RPL26: variants seen among roughly 807,000 people sequenced by gnomAD.
RPL26 encodes the protein ribosomal protein L26.
A neutral mutation model predicts 16.2 loss-of-function variants in RPL26; 1 was observed. The observed-to-expected ratio is 0.06, with a 90% confidence interval of 0.02 to 0.29. RPL26 has a LOEUF of 0.29. Among genes scored for constraint, RPL26 ranks in the 10% least tolerant of loss-of-function variants. The pLI is 1.00. For synonymous variants in RPL26, 55 were observed against 62.4 expected, an observed-to-expected ratio of 0.88 and a Z score of 0.56; for missense variants, 102 against 184.3, an observed-to-expected ratio of 0.55 and a Z score of 2.58.
intron 2 of RPL26, 47 bp from the exon 3 acceptor site, chr17:8,379,983 C>G (rs528394034): frequency 2.0e-6 from 3 of 1,523,876 alleles, no homozygotes; most frequent in East Asian, 2.3e-5. Flanking sequence ...AAAGATTAAC[C>G]TTGTAAATCA....
At chr17:8,382,368 C>T in intron 1 of RPL26, 53 bp from the exon 2 acceptor site, 1 of 1,296,500 alleles carries the variant, frequency 7.7e-7, no homozygotes, top group Non-Finnish European at 1.1e-6. Context: ...ATCCAGCTTC[C>T]AAACAAATAA....
In RPL26 at chr17:8,382,130, T is replaced by C. The variant is rs770528711; in HGVS notation, c.168+13A>G. The C allele has an allele frequency of 6.2e-7, 1 of 1,608,130 alleles. No individual in the cohort carries two copies. The highest frequency in any genetic ancestry group is 8.5e-7 in the Non-Finnish European group (1 of 1,175,684). On this transcript the variant is annotated intron_variant, in intron 2 of 3. Transcript: ENST00000648839. ...TATCCATCAAGACAACGAGAACAAG[T>C]AGGGATACACACCTGAACTTCATCA...
intron 3 of RPL26, chr17:8,379,325 A>T (rs1907306207): frequency 6.2e-6 from 1 of 160,392 alleles, no homozygotes; most frequent in Admixed American, 6.1e-5. Flanking sequence ...CTGTAATCCC[A>T]GCACTTTAGG....
intron 2 of RPL26, chr17:8,381,756 C>T (rs1004307558): frequency 8.9e-6 from 2 of 224,066 alleles, no homozygotes; most frequent in East Asian, 1.7e-4. Flanking sequence ...GGTGAAACCC[C>T]GCCTCTACTA....
At chr17:8,381,635 G>C (rs942896149) in intron 2 of RPL26, 1 of 167,030 alleles carries the variant, frequency 6.0e-6, no homozygotes, top group African/African-American at 2.4e-5. Flanking sequence ...GTAAGAGTGA[G>C]ACCCCATCTC....
At chr17:8,379,769 C>G (rs1907327713) in intron 3 of RPL26, 27 bp downstream of exon 3, 13 of 1,603,662 alleles carry the variant, frequency 8.1e-6, no homozygotes, top group South Asian at 2.2e-5. Flanking sequence ...TAATTTCCTT[C>G]TCTCAAGCAT....
chr17:8,382,361 C>T (rs763257971), intron 1 of RPL26, 46 bp from the exon 2 acceptor site: 10 of 1,370,580 alleles, frequency 7.3e-6, no homozygotes, highest in Admixed American at 5.3e-5. Context: ...AAATCTCATC[C>T]AGCTTCCAAA....
In RPL26 at chr17:8,377,707, G is replaced by C; in HGVS notation, c.310-15C>G. ...GTGATAACCACCTGCAGAAAAATAA[G>C]AAAAAAACACTCCCAAGCTTTAAAT... On this transcript the variant is annotated splice_polypyrimidine_tract_variant and intron_variant, in intron 3 of 3. Coordinates refer to ENST00000648839, the MANE Select transcript of RPL26 (RefSeq NM_000987.5). The C allele has an allele frequency of 6.3e-7, 1 of 1,591,718 alleles. No homozygotes were observed. Among genetic ancestry groups the C allele is most frequent in the South Asian group, 1.1e-5 (1 of 88,074 alleles).
Position 8,377,586 on chromosome 17 carries a change from G to T in RPL26, c.416C>A (p.Thr139Asn). The T allele has an allele frequency of 6.3e-7, 1 of 1,598,908 alleles. No homozygotes were observed. Among genetic ancestry groups the T allele is most frequent in the Non-Finnish European group, 8.5e-7 (1 of 1,178,242 alleles). ...GKEKGKYKEE[T>N]IEKMQE ...ACTTTATTCCTGCATCTTCTCAATG[G>T]TTTCTTCCTTGTATTTGCCCTTTTC... Residue 139 changes from threonine (T) to asparagine (N), a missense_variant, in exon 4 of 4, where the codon ACC becomes AAC. Physicochemically the swap from Thr to Asn is moderately conservative, Grantham distance 65. Transcript: ENST00000648839.
At chr17:8,379,461 A>T in intron 3 of RPL26, 1 of 433,352 alleles carries the variant, frequency 2.3e-6, no homozygotes, top group Non-Finnish European at 4.1e-6. Context: ...AGTCACAGCT[A>T]CACTCAGGAG....
chr17:8,382,607 G>C (rs971452950), intron 1 of RPL26: 1 of 369,312 alleles, frequency 2.7e-6, no homozygotes, highest in Non-Finnish European at 4.9e-6. Flanking sequence ...AACTCCTCAA[G>C]TAGTGCCTGA....
chr17:8,382,047 A>G, intron 2 of RPL26, 96 bp downstream of exon 2: 1 of 1,081,576 alleles, frequency 9.2e-7, no homozygotes, highest in Non-Finnish European at 1.4e-6. Context: ...TGGGAGCAAG[A>G]GTCTCAGAAG....
chr17:8,380,122 C>T (rs551101831), intron 2 of RPL26, 186 bp from the exon 3 acceptor site: 2 of 576,488 alleles, frequency 3.5e-6, no homozygotes, highest in East Asian at 2.8e-5. Context: ...AAAGCAGCAA[C>T]AGACCAAGAG....
At chr17:8,382,007 G>A (rs1907438964) in intron 2 of RPL26, 136 bp downstream of exon 2, 2 of 692,900 alleles carry the variant, frequency 2.9e-6, no homozygotes, top group Non-Finnish European at 4.9e-6. Flanking sequence ...CTGTTTTTTG[G>A]TCCCTGGCTC....
rs749850763 is a variant in RPL26, at chr17:8,377,748, A to G, written c.310-56T>C. On this transcript the variant is annotated intron_variant, in intron 3 of 3. Transcript: ENST00000648839. Reference sequence around the variant, plus strand: ...AGCTTTAAATAATCACTAAAACACAAGGGAAAGCCCAACATTCAATACCAT... The same window carrying G: ...AGCTTTAAATAATCACTAAAACACAGGGGAAAGCCCAACATTCAATACCAT... 74 of 1,523,086 alleles carry G rather than the reference A, an allele frequency of 4.9e-5. No individual in the cohort carries two copies. The Admixed American group carries it at 1.4e-3, about 29-fold the overall frequency. 94.3% of individuals were successfully genotyped at this position (1,523,086 alleles called of 1,614,324 possible).
chr17:8,382,803 C>A, intron 1 of RPL26: 1 of 377,856 alleles, frequency 2.6e-6, no homozygotes, highest in Non-Finnish European at 4.7e-6. Context: ...GCACACGTCT[C>A]GGGTCCTAAA....
intron 3 of RPL26, among the ~76,000 whole-genome samples, chr17:8,378,470 C>T (rs888224567): frequency 6.6e-6 from 1 of 151,930 alleles, no homozygotes; most frequent in Non-Finnish European, 1.5e-5. Context: ...CCAGGCTGGG[C>T]GACAAGAGCA....
intron 3 of RPL26, among the ~76,000 whole-genome samples, chr17:8,378,666 A>G (rs1040641456): frequency 2.0e-5 from 3 of 152,240 alleles, no homozygotes; most frequent in Non-Finnish European, 4.4e-5. Flanking sequence ...CCAAATTATG[A>G]TAAATTTTAG....
At chr17:8,381,915 G>C in intron 2 of RPL26, 10 of 368,342 alleles carry the variant, frequency 2.7e-5, no homozygotes, top group South Asian at 2.5e-4. Context: ...GGGGGGACAA[G>C]AGCGAGACTT....
Sources: allele counts gnomAD v4.1 joint callset (sites outside exome capture counted in the v4.1 genomes callset), GRCh38; gene constraint gnomAD v4.1.1; transcripts MANE v1.5; gene names NCBI Gene and HGNC (gene_info 2026-07-23, HGNC 2026-07-21).